The following PCDH9 variants were observed in gnomAD, a reference collection of about 807,000 sequenced individuals.
PCDH9 encodes protocadherin-9.
PCDH9 carries 24 observed loss-of-function variants against 70.6 expected under a neutral mutation model. The ratio of observed to expected loss-of-function variants is 0.34; its 90% CI spans 0.25 to 0.48. The LOEUF is 0.48. PCDH9 is among the 20% of genes least tolerant of loss of function. PCDH9 has a pLI of 0.99. For synonymous variants in PCDH9, 562 were observed against 558.5 expected (o/e 1.01, Z -0.09); for missense variants, 1,281 against 1,503.6 (o/e 0.85, Z 2.45).
At chr13:66,852,152 C>G (rs1187545559) in intron 3 of PCDH9, among the ~76,000 whole-genome samples, 1 of 152,074 alleles carries the variant, frequency 6.6e-6, no homozygotes, top group East Asian at 1.9e-4. Flanking sequence ...TATCATTCTA[C>G]AAGGTAGTAA....
chr13:66,469,027 G>A (rs1021754401), intron 4 of PCDH9, among the ~76,000 whole-genome samples: 1 of 152,112 alleles, frequency 6.6e-6, no homozygotes, highest in Admixed American at 6.6e-5. Flanking sequence ...ACATGGGTGT[G>A]ATTTTTCTAA....
chr13:66,846,826 T>A (rs1431457802), intron 3 of PCDH9, among the ~76,000 whole-genome samples: 2 of 151,828 alleles, frequency 1.3e-5, no homozygotes, highest in African/African-American at 2.4e-5. Flanking sequence ...AAACTTGCTA[T>A]GAAAGAGAAC....
intron 4 of PCDH9, among the ~76,000 whole-genome samples, chr13:66,523,006 C>T (rs1320551588): frequency 6.6e-6 from 1 of 152,040 alleles, no homozygotes; most frequent in African/African-American, 2.4e-5. Context: ...ACTGAAATTA[C>T]AGTCTCTGAA....
At chr13:66,380,618 A>G (rs1487007315) in intron 4 of PCDH9, among the ~76,000 whole-genome samples, 1 of 130,512 alleles carries the variant, frequency 7.7e-6, no homozygotes, top group Non-Finnish European at 1.5e-5. Flanking sequence ...ATCTCGGCTC[A>G]CTGCAAGCTC....
chr13:67,031,879 C>T (rs983408862), intron 2 of PCDH9, among the ~76,000 whole-genome samples: 1 of 152,058 alleles, frequency 6.6e-6, no homozygotes, highest in African/African-American at 2.4e-5. Flanking sequence ...TGAAACTATG[C>T]CTGTCAAAGA....
intron 3 of PCDH9, among the ~76,000 whole-genome samples, chr13:66,779,843 C>CTATATATA (rs1234220065): frequency 0.029 from 873 of 30,582 alleles, 3 homozygotes; most frequent in Non-Finnish European, 0.048. Flanking sequence ...CTCTCTCTCT[C>CTATATATA]TCTCTCTATA....
intron 2 of PCDH9, among the ~76,000 whole-genome samples, chr13:67,121,123 G>T (rs368003892): frequency 7.2e-5 from 11 of 152,212 alleles, no homozygotes; most frequent in African/African-American, 2.6e-4. Flanking sequence ...TATAAACAAA[G>T]AGCTAGTAAG....
At chr13:66,827,707 C>T (rs1294737747) in intron 3 of PCDH9, among the ~76,000 whole-genome samples, 1 of 152,160 alleles carries the variant, frequency 6.6e-6, no homozygotes, top group African/African-American at 2.4e-5. Flanking sequence ...AAGATTTTGA[C>T]AGCTGGTGGA....
chr13:66,661,488 C>T (rs566823574), intron 3 of PCDH9, among the ~76,000 whole-genome samples: 1 of 152,286 alleles, frequency 6.6e-6, no homozygotes, highest in Admixed American at 6.5e-5. Context: ...GGATCATTTA[C>T]TAATTAAAAT....
intron 4 of PCDH9, among the ~76,000 whole-genome samples, chr13:66,410,799 A>AT (rs747297960): frequency 1.2e-4 from 18 of 152,130 alleles, no homozygotes; most frequent in East Asian, 1.9e-4. Flanking sequence ...TAAAATGCCG[A>AT]TTTTTTTTCC....
intron 3 of PCDH9, among the ~76,000 whole-genome samples, chr13:66,818,994 T>C (rs1449557134): frequency 6.6e-6 from 1 of 151,758 alleles, no homozygotes; most frequent in Non-Finnish European, 1.5e-5. Flanking sequence ...TTATTTCAAA[T>C]GAAAATCCAA....
At position 66,478,248 on chromosome 13, in the gene PCDH9, A is replaced by G. The variant is rs188734080; in HGVS notation, c.3340+152962T>C. Among the ~76,000 whole-genome samples the G allele has an allele frequency of 4.1e-3, 622 of 152,268 alleles. 3 individuals carry two copies. Among genetic ancestry groups the G allele is most frequent in the Non-Finnish European group, 5.7e-3 (389 of 68,012 alleles). ...ATGTTGTGTGGGTTCTGACTGCTCC[A>G]CCAACTAGCCATTCCCCAGCCTTTC... On this transcript the variant is annotated intron_variant, in intron 4 of 4. Coordinates refer to ENST00000377865, the MANE Select transcript of PCDH9 (RefSeq NM_203487.3).
Position 66,497,676 on chromosome 13 carries a change from T to C in PCDH9, c.3340+133534A>G, listed in dbSNP as rs552859413. Among the ~76,000 whole-genome samples, 86 of 152,220 alleles carry C rather than the reference T, an allele frequency of 5.6e-4. No homozygotes were observed. In the Middle Eastern group the frequency reaches 0.017, roughly 30 times the overall value. On this transcript the variant is annotated intron_variant, in intron 4 of 4. Coordinates refer to ENST00000377865, the MANE Select transcript of PCDH9 (RefSeq NM_203487.3). ...ATTAGGAGACATTTTTGGCATTACT[T>C]GGTAGTTAAGAGGGTTTGATAACCC... is the stretch of plus-strand genomic sequence containing the variant.
Position 67,227,393 on chromosome 13 carries a change from C to T in PCDH9, c.1048G>A (p.Asp350Asn). The change falls in exon 2 of 5, where the codon GAT (aspartate) becomes AAT (asparagine). Residue 350 changes from aspartate to asparagine, a missense_variant. Asp to Asn is a conservative substitution (Grantham distance 23). This residue lies in a region of PCDH9 where 798 missense variants were observed against 1,003.1 expected (regional missense o/e 0.80). Coordinates refer to ENST00000377865, the MANE Select transcript of PCDH9 (RefSeq NM_203487.3). The surrounding 1 kb of genome is among the most constrained non-coding windows in gnomAD (Gnocchi z 4.6). ...ARATVTINVT[D>N]VNDNPPNIDL... ...ATATTAGGAGGGTTATCATTTACATCGGTGACATTGATGGTAACCGTTGCT... is the reference window on the plus strand; with the variant it reads ...ATATTAGGAGGGTTATCATTTACATTGGTGACATTGATGGTAACCGTTGCT... 2 of 1,613,832 alleles carry T rather than the reference C, an allele frequency of 1.2e-6. No individual in the cohort carries two copies. The highest frequency in any genetic ancestry group is 1.7e-6 in the Non-Finnish European group (2 of 1,179,750).
At chr13:66,525,654 A>G (rs1466135474) in intron 4 of PCDH9, among the ~76,000 whole-genome samples, 4 of 152,142 alleles carry the variant, frequency 2.6e-5, no homozygotes, top group African/African-American at 9.7e-5. Flanking sequence ...ACATTTGTCT[A>G]CATTGAATGT....
chr13:66,744,066 T>C (rs1381568856), intron 3 of PCDH9, among the ~76,000 whole-genome samples: 1 of 152,116 alleles, frequency 6.6e-6, no homozygotes, highest in Non-Finnish European at 1.5e-5. Context: ...CTTGTATTAT[T>C]CATGTGCTAT....
chr13:66,467,467 A>G (rs1369431692), intron 4 of PCDH9, among the ~76,000 whole-genome samples: 1 of 152,036 alleles, frequency 6.6e-6, no homozygotes, highest in African/African-American at 2.4e-5. Flanking sequence ...CTTCATTCTT[A>G]GATGTGGACT....
chr13:67,105,015 T>C (rs1378738563), intron 2 of PCDH9, among the ~76,000 whole-genome samples: 2 of 152,084 alleles, frequency 1.3e-5, no homozygotes, highest in Non-Finnish European at 2.9e-5. Context: ...ACTCAAATCT[T>C]CTCCCTTCGC....
intron 4 of PCDH9, among the ~76,000 whole-genome samples, chr13:66,520,139 C>A (rs933667565): frequency 3.3e-5 from 5 of 152,106 alleles, no homozygotes; most frequent in Non-Finnish European, 5.9e-5. Flanking sequence ...CCTTTACGTC[C>A]TTTCCCTACC....
Sources: allele counts gnomAD v4.1 joint callset (sites outside exome capture counted in the v4.1 genomes callset), GRCh38; gene constraint gnomAD v4.1.1; regional missense constraint gnomAD v4.1.1; non-coding constraint Gnocchi (gnomAD v3.1); transcripts MANE v1.5; gene names NCBI Gene and HGNC (gene_info 2026-07-23, HGNC 2026-07-21).